Variants in LRBA observed in about 807,000 individuals in gnomAD.
LRBA encodes the protein lipopolysaccharide-responsive and beige-like anchor protein.
In LRBA, 176 loss-of-function variants were observed where a neutral mutation model predicts 330.0. The ratio of observed to expected loss-of-function variants is 0.53; its 90% CI spans 0.47 to 0.60. The LOEUF is 0.60. LRBA is among the 20% of genes least tolerant of loss of function. LRBA has a pLI of 0.00. For synonymous variants in LRBA, 1,230 were observed against 1,193.0 expected (o/e 1.03, Z -0.64); for missense variants, 3,259 against 3,444.8 (o/e 0.95, Z 1.35).
chr4:150,494,174 T>C (rs1167422272), intron 40 of LRBA, among the ~76,000 whole-genome samples: 1 of 152,222 alleles, frequency 6.6e-6, no homozygotes, highest in African/African-American at 2.4e-5. Flanking sequence ...AAATGGCCTA[T>C]ACCCAGGTTT....
At chr4:150,403,069 A>G (rs1182984015) in intron 47 of LRBA, among the ~76,000 whole-genome samples, 3 of 152,250 alleles carry the variant, frequency 2.0e-5, no homozygotes, top group African/African-American at 7.2e-5. Flanking sequence ...GCAGTCATTT[A>G]TCGGGTAACC....
rs1745234997 is a variant in LRBA at position 151,014,661 on chromosome 4, G to GACA, written c.-22_-20dup. ...TAGCCATTGCTAGCTCACGATAAAGGACAACTCAGAGTCACCCTGGGACGG... is the reference window on the plus strand; with the variant it reads ...TAGCCATTGCTAGCTCACGATAAAGGACAACAACTCAGAGTCACCCTGGGACGG... On this transcript the variant is annotated 5_prime_UTR_variant, in exon 2 of 57. Transcript: ENST00000651943. The GACA allele has an allele frequency of 1.3e-6, 2 of 1,561,632 alleles. No homozygotes were observed. The highest frequency in any genetic ancestry group is 1.7e-6 in the Non-Finnish European group (2 of 1,145,264).
chr4:150,787,607 T>A (rs1739273354), intron 34 of LRBA, among the ~76,000 whole-genome samples: 1 of 152,200 alleles, frequency 6.6e-6, no homozygotes, highest in Non-Finnish European at 1.5e-5. Context: ...TGCATAATAA[T>A]CACATCCTGT....
At chr4:150,980,356 C>A (rs1334276867) in intron 2 of LRBA, among the ~76,000 whole-genome samples, 1 of 152,124 alleles carries the variant, frequency 6.6e-6, no homozygotes, top group African/African-American at 2.4e-5. Context: ...ATATGACAAC[C>A]ACAGATAGTA....
rs142712305 is a variant in LRBA, at chr4:150,398,594, C to A, written c.7194+16844G>T. ...CATTCATGAAGGTGGATATCTTACA[C>A]CTAAACATTTTAGACTTGTTTTCCA... On this transcript the variant is annotated intron_variant, in intron 47 of 56. Coordinates refer to ENST00000651943, the MANE Select transcript of LRBA (RefSeq NM_001364905.1). 2.4e-4 allele frequency among the ~76,000 whole-genome samples: 36 copies of A among 151,912 alleles called. No homozygotes were observed. The East Asian group carries it at 5.8e-3, about 24-fold the overall frequency.
intron 47 of LRBA, among the ~76,000 whole-genome samples, chr4:150,391,181 G>T (rs775604509): frequency 1.3e-4 from 20 of 152,152 alleles, no homozygotes; most frequent in Non-Finnish European, 2.6e-4. Flanking sequence ...CTAAAATGTG[G>T]ATATACGGGG....
Position 150,899,715 on chromosome 4 carries a change from G to T in LRBA, c.1924+334C>A, listed in dbSNP as rs141522030. Reference sequence around the variant, plus strand: ...AACACCATTTTCAAGGAATCTCATTGTGACAATCCATCTCAGCATCAATTA... The same window carrying T: ...AACACCATTTTCAAGGAATCTCATTTTGACAATCCATCTCAGCATCAATTA... On this transcript the variant is annotated intron_variant, in intron 14 of 56. Transcript: ENST00000651943. 5.9e-5 allele frequency among the ~76,000 whole-genome samples: 9 copies of T among 152,238 alleles called. No individual in the cohort carries two copies. In the East Asian group the frequency reaches 1.7e-3, roughly 29 times the overall value.
chr4:150,756,347 C>G (rs1268661608), intron 35 of LRBA, among the ~76,000 whole-genome samples: 1 of 152,100 alleles, frequency 6.6e-6, no homozygotes, highest in Non-Finnish European at 1.5e-5. Context: ...AACCTAGCAG[C>G]CAGATCTATT....
chr4:150,638,157 G>A (rs902387652), intron 37 of LRBA, among the ~76,000 whole-genome samples: 2 of 150,658 alleles, frequency 1.3e-5, no homozygotes, highest in Non-Finnish European at 3.0e-5. Context: ...TCAGCCTCCC[G>A]AAAAGCTGGG....
intron 40 of LRBA, among the ~76,000 whole-genome samples, chr4:150,507,139 A>C (rs898424170): frequency 1.3e-5 from 2 of 151,600 alleles, no homozygotes; most frequent in Non-Finnish European, 2.9e-5. Flanking sequence ...TATCATGAAA[A>C]TGGCCATACT....
intron 40 of LRBA, among the ~76,000 whole-genome samples, chr4:150,512,717 GAAAAA>G (rs370203536): frequency 6.7e-4 from 67 of 100,658 alleles, no homozygotes; most frequent in South Asian, 8.0e-4. Flanking sequence ...TGCTTTTTGA[GAAAAA>G]AAAAAAAAAA....
intron 56 of LRBA, among the ~76,000 whole-genome samples, chr4:150,275,158 A>C (rs962844992): frequency 7.9e-5 from 12 of 152,182 alleles, no homozygotes; most frequent in African/African-American, 2.7e-4. Flanking sequence ...CCATCACATA[A>C]ACAGAATCAA....
chr4:150,578,700 A>T (rs1770845928), intron 40 of LRBA, among the ~76,000 whole-genome samples: 1 of 152,258 alleles, frequency 6.6e-6, no homozygotes, highest in African/African-American at 2.4e-5. Context: ...AACTAAAAAC[A>T]TGCCCACTTC....
intron 37 of LRBA, among the ~76,000 whole-genome samples, chr4:150,614,957 A>C (rs1775624519): frequency 6.6e-6 from 1 of 152,264 alleles, no homozygotes; most frequent in South Asian, 2.1e-4. Context: ...AAAAAGGGAC[A>C]GAAAATACAA....
At chr4:151,004,698 G>C (rs961655588) in intron 2 of LRBA, among the ~76,000 whole-genome samples, 1 of 152,192 alleles carries the variant, frequency 6.6e-6, no homozygotes, top group African/African-American at 2.4e-5. Flanking sequence ...TAAGAAATAA[G>C]GTAACGGCTG....
At chr4:150,585,789 A>G (rs1274398914) in intron 40 of LRBA, among the ~76,000 whole-genome samples, 1 of 152,188 alleles carries the variant, frequency 6.6e-6, no homozygotes, top group Non-Finnish European at 1.5e-5. Flanking sequence ...TTTTAAAGGC[A>G]ATTTTAAAGA....
At chr4:150,458,784 GTTT>G (rs200385223) in intron 44 of LRBA, among the ~76,000 whole-genome samples, 31,539 of 144,882 alleles carry the variant, frequency 0.22, 4,097 homozygotes, top group Non-Finnish European at 0.31. Flanking sequence ...ATTTATTCTA[GTTT>G]TTTTTTTTTT....
At chr4:150,990,727 C>A (rs72963637) in intron 2 of LRBA, among the ~76,000 whole-genome samples, 8,178 of 152,028 alleles carry the variant, frequency 0.054, 658 homozygotes, top group African/African-American at 0.18. Context: ...CAGAGCAAGA[C>A]CCTATCACAT....
At position 150,852,783 on chromosome 4, in the gene LRBA, G is replaced by A. The variant is rs142209951; in HGVS notation, c.2927C>T (p.Thr976Met). 4.4e-5 allele frequency: 71 copies of A among 1,613,940 alleles called. 1 individual carries two copies. In the South Asian group the frequency reaches 5.6e-4, roughly 13 times the overall value. ...NVSVGSQQPDTKDSPVCPHFT... is the reference protein window; with the variant it reads ...NVSVGSQQPDMKDSPVCPHFT... ...ATGAGGACAGACAGGAGAATCCTTC[G>A]TATCTGGTTGCTGGGATCCTACTGA... is the stretch of plus-strand genomic sequence containing the variant. Residue 976 changes from threonine to methionine, a missense_variant, in exon 23 of 57, where the codon ACG (threonine) becomes ATG (methionine). Transcript: ENST00000651943.
Sources: allele counts gnomAD v4.1 joint callset (sites outside exome capture counted in the v4.1 genomes callset), GRCh38; gene constraint gnomAD v4.1.1; transcripts MANE v1.5; gene names NCBI Gene and HGNC (gene_info 2026-07-23, HGNC 2026-07-21).